The following SGCZ variants were observed in gnomAD, a reference collection of about 807,000 sequenced individuals.
SGCZ encodes the protein zeta-sarcoglycan.
SGCZ carries 40 observed loss-of-function variants against 41.3 expected under a neutral mutation model. That is an observed-to-expected ratio of 0.97 (90% confidence interval 0.75 to 1.26). The LOEUF (loss-of-function observed/expected upper bound fraction) is 1.26, where lower values mean the gene tolerates loss of function less well. SGCZ is among the 50% of genes most tolerant of loss of function. SGCZ has a pLI of 0.00. For missense variants in SGCZ, 552 were observed against 369.8 expected (o/e 1.49, Z -4.04); for synonymous variants, 206 against 137.5 (o/e 1.50, Z -3.49).
intron 4 of SGCZ, 87 bp from the exon 5 acceptor site, chr8:14,164,789 A>G: frequency 7.0e-7 from 1 of 1,429,044 alleles, no homozygotes. Flanking sequence ...AGAAATGCAT[A>G]TATTATTTAA....
intron 1 of SGCZ, among the ~76,000 whole-genome samples, chr8:14,716,982 T>C (rs1407453470): frequency 3.9e-5 from 6 of 152,076 alleles, no homozygotes. Flanking sequence ...ACTCATGGGA[T>C]GATAAGGGAC....
At chr8:14,138,957 C>A (rs1271331662) in intron 5 of SGCZ, among the ~76,000 whole-genome samples, 4 of 152,140 alleles carry the variant, frequency 2.6e-5, no homozygotes, top group African/African-American at 9.7e-5. Context: ...CACTCCTCAG[C>A]AAATGTAAAA....
intron 1 of SGCZ, among the ~76,000 whole-genome samples, chr8:15,229,172 A>G (rs1242000611): frequency 6.6e-6 from 1 of 152,214 alleles, no homozygotes; most frequent in Non-Finnish European, 1.5e-5. Flanking sequence ...AGCCTGGACA[A>G]CAGAGCAAGA....
At chr8:15,172,079 G>A (rs1480412920) in intron 1 of SGCZ, among the ~76,000 whole-genome samples, 1 of 146,144 alleles carries the variant, frequency 6.8e-6, no homozygotes, top group Admixed American at 6.8e-5. Flanking sequence ...AATAACAAAA[G>A]CCCGTTAAGC....
chr8:14,673,799 G>A (rs975775177), intron 1 of SGCZ, among the ~76,000 whole-genome samples: 5 of 152,150 alleles, frequency 3.3e-5, no homozygotes, highest in Admixed American at 2.6e-4. Flanking sequence ...GCCCGATGTA[G>A]ATGCTACTCA....
chr8:14,755,268 G>A (rs532340855), intron 1 of SGCZ, among the ~76,000 whole-genome samples: 56 of 151,380 alleles, frequency 3.7e-4, no homozygotes, highest in Middle Eastern at 3.4e-3. Context: ...GTTTGTTTGC[G>A]GCTGTAGTTT....
intron 7 of SGCZ, among the ~76,000 whole-genome samples, chr8:14,096,344 G>A (rs900373045): frequency 6.6e-6 from 1 of 152,066 alleles, no homozygotes; most frequent in African/African-American, 2.4e-5. Context: ...GGCCTTTCCT[G>A]CATCTATTGA....
intron 1 of SGCZ, among the ~76,000 whole-genome samples, chr8:14,655,135 A>ATACC (rs1807523918): frequency 6.6e-6 from 1 of 152,114 alleles, no homozygotes; most frequent in Non-Finnish European, 1.5e-5. Flanking sequence ...GAGCAAATGA[A>ATACC]TACCTACTAT....
At chr8:15,038,501 T>G (rs1425299575) in intron 1 of SGCZ, among the ~76,000 whole-genome samples, 2 of 150,288 alleles carry the variant, frequency 1.3e-5, no homozygotes, top group African/African-American at 4.9e-5. Context: ...ACTATAAAAC[T>G]ACTAGAAAAA....
At chr8:14,360,473 G>C (rs769094109) in intron 2 of SGCZ, among the ~76,000 whole-genome samples, 1 of 151,786 alleles carries the variant, frequency 6.6e-6, no homozygotes, top group Non-Finnish European at 1.5e-5. Flanking sequence ...TTACAGGCAC[G>C]CATCACCACA....
chr8:14,355,406 A>C (rs1803257396), intron 2 of SGCZ, among the ~76,000 whole-genome samples: 4 of 152,098 alleles, frequency 2.6e-5, no homozygotes, highest in Admixed American at 2.6e-4. Flanking sequence ...AAATTGCACA[A>C]ATCTAACAGA....
chr8:15,031,662 C>T (rs556814308), intron 1 of SGCZ, among the ~76,000 whole-genome samples: 1 of 152,132 alleles, frequency 6.6e-6, no homozygotes, highest in Non-Finnish European at 1.5e-5. Flanking sequence ...CTCTTGCCAG[C>T]TGTACAACAG....
chr8:14,860,854 T>G (rs1803724031), intron 1 of SGCZ, among the ~76,000 whole-genome samples: 2 of 152,128 alleles, frequency 1.3e-5, no homozygotes, highest in African/African-American at 2.4e-5. Flanking sequence ...GCCTTGAACT[T>G]GGTTTAACAC....
At chr8:14,443,264 C>T (rs1800326864) in intron 2 of SGCZ, among the ~76,000 whole-genome samples, 1 of 152,092 alleles carries the variant, frequency 6.6e-6, no homozygotes, top group East Asian at 1.9e-4. Context: ...CAATGCCATC[C>T]CCATCAAGCT....
In SGCZ at chr8:14,102,509, A is replaced by G; in HGVS notation, c.621-10T>C. ...GGTGGGTGATTCAAGCCTAAGGGAAAAACAAAAAATCATTAATAGGAAAAA... is the reference window on the plus strand; with the variant it reads ...GGTGGGTGATTCAAGCCTAAGGGAAGAACAAAAAATCATTAATAGGAAAAA... On this transcript the variant is annotated splice_polypyrimidine_tract_variant and intron_variant, in intron 6 of 7. Coordinates refer to ENST00000382080, the MANE Select transcript of SGCZ (RefSeq NM_139167.4). The G allele has an allele frequency of 1.4e-6, 2 of 1,393,200 alleles. No individual in the cohort carries two copies. Among genetic ancestry groups the G allele is most frequent in the African/African-American group, 2.9e-5 (2 of 67,966 alleles). The allele number at this position is 1,393,200 out of a possible 1,614,324, so 86.3% of individuals were successfully genotyped here.
chr8:14,157,690 C>T (rs1415526730), intron 5 of SGCZ, among the ~76,000 whole-genome samples: 1 of 151,684 alleles, frequency 6.6e-6, no homozygotes, highest in Non-Finnish European at 1.5e-5. Flanking sequence ...TAAAATAGTA[C>T]TTCTTACTAG....
intron 7 of SGCZ, 87 bp downstream of exon 7, chr8:14,102,289 C>T: frequency 2.4e-6 from 3 of 1,264,164 alleles, no homozygotes; most frequent in Admixed American, 6.1e-5. Context: ...GATATTCCTT[C>T]ACAAGTCAAT....
chr8:14,604,399 G>A (rs956915566), intron 1 of SGCZ, among the ~76,000 whole-genome samples: 2 of 151,526 alleles, frequency 1.3e-5, no homozygotes, highest in Admixed American at 1.3e-4. Flanking sequence ...TAGGAGAATG[G>A]GGTGACAATC....
At chr8:14,614,499 T>A (rs1806031868) in intron 1 of SGCZ, among the ~76,000 whole-genome samples, 2 of 152,138 alleles carry the variant, frequency 1.3e-5, no homozygotes, top group Admixed American at 1.3e-4. Context: ...TTCAGAAAAA[T>A]ATTTGTAGCC....
Sources: gnomAD v4.1 joint callset for allele counts (sites outside exome capture counted in the v4.1 genomes callset) on GRCh38, gnomAD v4.1.1 for gene constraint, MANE v1.5 for transcripts, NCBI Gene and HGNC (gene_info 2026-07-23, HGNC 2026-07-21) for gene names.